Variants in SRPX2 observed in about 807,000 individuals in gnomAD.
The protein encoded by SRPX2 is sushi repeat containing protein X-linked 2.
SRPX2 carries 26 observed loss-of-function variants against 45.3 expected under a neutral mutation model. The ratio of observed to expected loss-of-function variants is 0.57; its 90% CI spans 0.42 to 0.80. SRPX2 has a LOEUF of 0.80. Among genes scored for constraint, SRPX2 ranks in the 30% least tolerant of loss-of-function variants. The probability of loss-of-function intolerance (pLI) is 0.00; values close to 1 mark genes in which losing one functional copy is unlikely to be tolerated. For missense variants in SRPX2, 355 were observed against 399.8 expected (o/e 0.89, Z 0.95); for synonymous variants, 125 against 143.7 (o/e 0.87, Z 0.93).
At chrX:100,663,684 C>G (rs1472207570) in intron 4 of SRPX2, among the ~76,000 whole-genome samples, 1 of 112,397 alleles carries the variant, frequency 8.9e-6, no homozygotes, top group East Asian at 2.8e-4. Context: ...AGTTAGACAA[C>G]CTAAAGGAAT....
In SRPX2 at chrX:100,665,365, A is replaced by G; in HGVS notation, c.655A>G (p.Thr219Ala). Reference protein sequence around the residue: ...LVKDSADGTITRVTLRGPEPG... With the variant: ...LVKDSADGTIARVTLRGPEPG... ...GAAAGATTCTGCTGATGGTACCATC[A>G]CCAGGTGAGCCTGAATAATGGATGC... The change falls in exon 6 of 11, where the codon ACC becomes GCC. Residue 219 changes from threonine to alanine, a missense_variant. By Grantham distance (58) the Thr-to-Ala change is moderately conservative. Coordinates refer to ENST00000373004, the MANE Select transcript of SRPX2 (RefSeq NM_014467.3). 1 of 1,209,862 alleles carries G rather than the reference A, an allele frequency of 8.3e-7. No homozygotes were observed. The highest frequency in any genetic ancestry group is 1.1e-6 in the Non-Finnish European group (1 of 894,445).
At chrX:100,667,079 C>T (rs1429858819) in intron 8 of SRPX2, 146 bp downstream of exon 8, 1 of 967,043 alleles carries the variant, frequency 1.0e-6, no homozygotes, top group Non-Finnish European at 1.4e-6. Context: ...GGCCAACATT[C>T]CCCCGTAGAC....
chrX:100,654,224 G>C (rs1221662089), intron 3 of SRPX2, among the ~76,000 whole-genome samples: 1 of 112,110 alleles, frequency 8.9e-6, no homozygotes, highest in Admixed American at 9.5e-5. Flanking sequence ...AAGGGCCTTT[G>C]GTTTGGAGGT....
chrX:100,663,858 G>C (rs1253126679), intron 4 of SRPX2, among the ~76,000 whole-genome samples: 2 of 112,041 alleles, frequency 1.8e-5, no homozygotes, highest in Admixed American at 1.9e-4. Context: ...CCAGGCACTG[G>C]TCTGACTTGT....
intron 4 of SRPX2, 65 bp downstream of exon 4, chrX:100,662,432 G>A: frequency 1.7e-6 from 2 of 1,143,558 alleles, no homozygotes; most frequent in Non-Finnish European, 2.4e-6. Context: ...CAGCTGCTGA[G>A]GGTATATGCC....
At chrX:100,662,743 T>C (rs1006365949) in intron 4 of SRPX2, among the ~76,000 whole-genome samples, 1 of 112,413 alleles carries the variant, frequency 8.9e-6, no homozygotes, top group African/African-American at 3.2e-5. Context: ...TCCTGGCCTG[T>C]AGCCTTAGAA....
intron 3 of SRPX2, 41 bp downstream of exon 3, chrX:100,650,906 T>C: frequency 8.9e-7 from 1 of 1,117,420 alleles, no homozygotes; most frequent in Non-Finnish European, 1.2e-6. Context: ...ATCTCTTTTC[T>C]GGCCTCAGAC....
In SRPX2 at chrX:100,665,366, C is replaced by G. The variant is rs924461236; in HGVS notation, c.656C>G (p.Thr219Ser). Residue 219 changes from threonine to serine, a missense_variant, in exon 6 of 11, where the codon ACC (threonine) becomes AGC (serine). Physicochemically the swap from Thr to Ser is moderately conservative, Grantham distance 58. Coordinates refer to ENST00000373004, the MANE Select transcript of SRPX2 (RefSeq NM_014467.3). The stretch of plus-strand genomic sequence containing the variant: ...AAAGATTCTGCTGATGGTACCATCA[C>G]CAGGTGAGCCTGAATAATGGATGCC... The part of the protein sequence containing the change: ...LVKDSADGTI[T>S]RVTLRGPEPG... 8.3e-7 allele frequency: 1 copy of G among 1,209,319 alleles called. No homozygotes were observed. Among genetic ancestry groups the G allele is most frequent in the Admixed American group, 2.2e-5 (1 of 45,886 alleles).
chrX:100,668,639 C>A (rs181411554), intron 9 of SRPX2, among the ~76,000 whole-genome samples: 1 of 112,098 alleles, frequency 8.9e-6, no homozygotes, highest in African/African-American at 3.2e-5. Context: ...TGGGGTAGGA[C>A]TGCAAGCTGC....
chrX:100,661,151 A>G (rs1447518945), intron 3 of SRPX2: 1 of 112,182 alleles, frequency 8.9e-6, no homozygotes, highest in Admixed American at 9.4e-5. Context: ...CTTCACAAAC[A>G]CTTGGTATTA....
intron 3 of SRPX2, among the ~76,000 whole-genome samples, chrX:100,658,657 T>C (rs2083177965): frequency 8.9e-6 from 1 of 112,099 alleles, no homozygotes. Context: ...ATGATGTTGG[T>C]ATTTTGATAG....
Position 100,674,664 on chromosome X carries a change from A to G in SRPX2, c.*3677A>G, listed in dbSNP as rs1378791952. ...TCGGTTCATACATACAGTAGAAACCACTGTGGCTGCCCTTAATCCAGTGTG... is the reference window on the plus strand; with the variant it reads ...TCGGTTCATACATACAGTAGAAACCGCTGTGGCTGCCCTTAATCCAGTGTG... On this transcript the variant is annotated 3_prime_UTR_variant, in exon 11 of 11. Coordinates refer to ENST00000373004, the MANE Select transcript of SRPX2 (RefSeq NM_014467.3). 1 of 111,932 alleles carries G rather than the reference A, an allele frequency of 8.9e-6. No individual in the cohort carries two copies. Among genetic ancestry groups the G allele is most frequent in the Non-Finnish European group, 1.9e-5 (1 of 53,204 alleles). The allele number at this position is 111,932 out of a possible 1,213,427, so 9.2% of individuals were successfully genotyped here.
Position 100,662,289 on chromosome X carries a change from CG to C in SRPX2, c.281del (p.Gly94AlafsTer4). On this transcript the variant is annotated frameshift_variant, in exon 4 of 11. Transcript: ENST00000373004. LOFTEE classifies it high-confidence loss of function. ...CACGCGTTGTGAGCTCTCCTGTGAC[CG>C]GGGCTTTCGATTGATTGGAAGGAGG... ...LGTRCELSCD[R>X]GFRLIGRRSV... is the part of the protein sequence containing the mutation. 1.7e-6 allele frequency: 2 copies of C among 1,211,633 alleles called. No individual in the cohort carries two copies. The highest frequency in any genetic ancestry group is 1.1e-6 in the Non-Finnish European group (1 of 895,538).
At chrX:100,648,450 C>G (rs1173369800) in intron 2 of SRPX2, among the ~76,000 whole-genome samples, 1 of 111,792 alleles carries the variant, frequency 8.9e-6, no homozygotes, top group Non-Finnish European at 1.9e-5. Flanking sequence ...TCCCCAAGTC[C>G]TTCCCCCAGG....
intron 3 of SRPX2, among the ~76,000 whole-genome samples, chrX:100,651,722 C>A (rs2083154001): frequency 2.0e-5 from 2 of 101,852 alleles, no homozygotes; most frequent in African/African-American, 7.4e-5. Context: ...GTGGAGGTTG[C>A]AGTGAGCCGA....
At chrX:100,669,422 G>GGGGGGGGGGGGGGGGGA in intron 10 of SRPX2, 53 bp downstream of exon 10, 2 of 319,099 alleles carry the variant, frequency 6.3e-6, no homozygotes, top group Non-Finnish European at 1.2e-5. Context: ...GGGGCGGGGG[G>GGGGGGGGGGGGGGGGGA]AGAAACCCTA....
rs1381730873 is a variant in SRPX2 at position 100,672,139 on chromosome X, A to G, written c.*1152A>G. ...GTGGGAGCTATAGCAGCACAAAATC[A>G]AGCCTTACCAGGCCTAAAATTCGAG... On this transcript the variant is annotated 3_prime_UTR_variant, in exon 11 of 11. Coordinates refer to ENST00000373004, the MANE Select transcript of SRPX2 (RefSeq NM_014467.3). The G allele has an allele frequency of 1.8e-5, 2 of 112,569 alleles. No individual in the cohort carries two copies. Among genetic ancestry groups the G allele is most frequent in the Non-Finnish European group, 3.8e-5 (2 of 53,280 alleles). 9.3% of individuals were successfully genotyped at this position (112,569 alleles called of 1,213,427 possible).
intron 2 of SRPX2, among the ~76,000 whole-genome samples, chrX:100,647,641 A>C (rs1393634471): frequency 8.9e-6 from 1 of 112,548 alleles, no homozygotes; most frequent in Non-Finnish European, 1.9e-5. Flanking sequence ...CCACAGGACT[A>C]AAGGAGTGGA....
intron 7 of SRPX2, 54 bp from the exon 8 acceptor site, chrX:100,666,700 C>A (rs2083205507): frequency 2.5e-6 from 3 of 1,203,614 alleles, no homozygotes; most frequent in Non-Finnish European, 3.4e-6. Context: ...CCCTCTTAGC[C>A]TTTCCTTCTT....
Sources: allele counts gnomAD v4.1 joint callset (sites outside exome capture counted in the v4.1 genomes callset), GRCh38; gene constraint gnomAD v4.1.1; transcripts MANE v1.5; gene names NCBI Gene and HGNC (gene_info 2026-07-23, HGNC 2026-07-21).